Variants in R3HDM2 observed in about 807,000 individuals in gnomAD.
R3HDM2 encodes R3H domain containing 2, also known as R3H domain-containing protein 2.
In R3HDM2, 38 loss-of-function variants were observed where a neutral mutation model predicts 124.5. The observed-to-expected ratio is 0.31, with a 90% confidence interval of 0.24 to 0.40. The LOEUF (loss-of-function observed/expected upper bound fraction) is 0.40, where lower values mean the gene tolerates loss of function less well. Ranked by LOEUF, R3HDM2 falls within the 10% of genes least tolerant of loss-of-function variation. R3HDM2 has a pLI of 1.00. For missense variants in R3HDM2, 869 were observed against 1,236.9 expected, an observed-to-expected ratio of 0.70 and a Z score of 4.46; for synonymous variants, 391 against 448.0, an observed-to-expected ratio of 0.87 and a Z score of 1.61.
Position 57,298,115 on chromosome 12 carries a change from C to A in R3HDM2, c.475G>T (p.Val159Leu). Residue 159 changes from valine to leucine, a missense_variant, in exon 7 of 24, where the codon GTA becomes TTA. This residue lies in a region of R3HDM2 where 267 missense variants were observed against 447.7 expected (regional missense o/e 0.60). Coordinates refer to ENST00000402412, the MANE Select transcript of R3HDM2 (RefSeq NM_001394031.1). ...STGIDLHEFL[V>L]NTLKKNPRDR... ...CTTGGGTTCTTTTTCAGTGTATTTA[C>A]AAGAAATTCATGTAGGTCTATTCCA... 6 of 1,551,052 alleles carry A rather than the reference C, an allele frequency of 3.9e-6. No homozygotes were observed. Among genetic ancestry groups the A allele is most frequent in the Non-Finnish European group, 5.2e-6 (6 of 1,146,680 alleles).
In R3HDM2 at chr12:57,268,483, A is replaced by G. The variant is rs1592488349; in HGVS notation, c.1876-26T>C. 5.0e-6 allele frequency: 8 copies of G among 1,612,232 alleles called. No individual in the cohort carries two copies. In the East Asian group the frequency reaches 1.8e-4, roughly 36 times the overall value. ...CTGGGTGAGAAAGAGAAGAGAAAGAATCACATTCGCATTCACATTGAGCTC... is the reference window on the plus strand; with the variant it reads ...CTGGGTGAGAAAGAGAAGAGAAAGAGTCACATTCGCATTCACATTGAGCTC... On this transcript the variant is annotated intron_variant, in intron 17 of 23. Coordinates refer to ENST00000402412, the MANE Select transcript of R3HDM2 (RefSeq NM_001394031.1).
intron 1 of R3HDM2, among the ~76,000 whole-genome samples, chr12:57,425,010 C>T (rs1157332795): frequency 2.6e-5 from 4 of 152,188 alleles, no homozygotes; most frequent in African/African-American, 9.7e-5. Context: ...CGGTGGCTCA[C>T]GCCTATAATC....
intron 2 of R3HDM2, among the ~76,000 whole-genome samples, chr12:57,329,207 C>T (rs2057762125): frequency 2.0e-5 from 3 of 152,080 alleles, no homozygotes; most frequent in Admixed American, 6.6e-5. Flanking sequence ...GTACCTAACA[C>T]TATCTCTGCT....
chr12:57,350,525 T>C (rs1202915830), intron 2 of R3HDM2, among the ~76,000 whole-genome samples: 1 of 152,142 alleles, frequency 6.6e-6, no homozygotes, highest in Non-Finnish European at 1.5e-5. Flanking sequence ...TCCCAGCTAC[T>C]TGGGAGGCTG....
chr12:57,426,497 G>T (rs530822627), intron 1 of R3HDM2, among the ~76,000 whole-genome samples: 28 of 152,212 alleles, frequency 1.8e-4, no homozygotes, highest in Non-Finnish European at 3.1e-4. Flanking sequence ...CATAAAGACA[G>T]AACTATAAAT....
At position 57,400,595 on chromosome 12, in the gene R3HDM2, TA is replaced by T. The variant is rs566183507; in HGVS notation, c.-105-4778del. 4.9e-4 allele frequency among the ~76,000 whole-genome samples: 74 copies of T among 151,038 alleles called. 2 individuals are homozygous for T. In the South Asian group the frequency reaches 0.012, roughly 24 times the overall value. ...CTTAAAGTATAATAAAAATATATAT[TA>T]AAAAAAAACAATAAACACTGTCTAC... On this transcript the variant is annotated intron_variant, in intron 1 of 23. Coordinates refer to ENST00000402412, the MANE Select transcript of R3HDM2 (RefSeq NM_001394031.1).
intron 2 of R3HDM2, among the ~76,000 whole-genome samples, chr12:57,357,427 A>C (rs191548894): frequency 1.0e-3 from 153 of 151,420 alleles, no homozygotes; most frequent in Non-Finnish European, 1.8e-3. Flanking sequence ...GCGCCATTGC[A>C]CTCCAGCCTG....
intron 2 of R3HDM2, among the ~76,000 whole-genome samples, chr12:57,325,458 A>G (rs2057171859): frequency 6.6e-6 from 1 of 152,202 alleles, no homozygotes; most frequent in Non-Finnish European, 1.5e-5. Context: ...TCCAGCAGCC[A>G]TTTGGACCCT....
At chr12:57,289,068 A>G (rs2048042630) in intron 11 of R3HDM2, 28 bp from the exon 12 acceptor site, 1 of 1,529,146 alleles carries the variant, frequency 6.5e-7, no homozygotes. Context: ...AACGGAAAAT[A>G]ACTTATAAGA....
intron 2 of R3HDM2, among the ~76,000 whole-genome samples, chr12:57,314,271 G>A (rs1593140784): frequency 6.6e-6 from 1 of 152,084 alleles, no homozygotes; most frequent in Non-Finnish European, 1.5e-5. Context: ...CCTGAGGTCA[G>A]GAGTTAGAGA....
chr12:57,419,953 A>G (rs1244995532), intron 1 of R3HDM2, among the ~76,000 whole-genome samples: 2 of 152,078 alleles, frequency 1.3e-5, no homozygotes, highest in Non-Finnish European at 2.9e-5. Flanking sequence ...ACGCTAAGAC[A>G]TCAGCTCCCT....
At chr12:57,316,072 G>A (rs983590286) in intron 2 of R3HDM2, among the ~76,000 whole-genome samples, 4 of 152,228 alleles carry the variant, frequency 2.6e-5, no homozygotes, top group Admixed American at 6.5e-5. Flanking sequence ...ACTCCAGCCT[G>A]CGCAACAGAG....
At chr12:57,382,594 TGGGAGG>T (rs1408234072) in intron 2 of R3HDM2, among the ~76,000 whole-genome samples, 40 of 149,480 alleles carry the variant, frequency 2.7e-4, no homozygotes, top group Admixed American at 2.1e-3. Flanking sequence ...CCCAGCACTT[TGGGAGG>T]CCGAGGAGGG....
At chr12:57,385,845 C>A (rs887375419) in intron 2 of R3HDM2, among the ~76,000 whole-genome samples, 6 of 152,178 alleles carry the variant, frequency 3.9e-5, no homozygotes, top group African/African-American at 1.4e-4. Context: ...ATGGAAACTA[C>A]ATGGTCAAAA....
Position 57,298,113 on chromosome 12 carries a change from T to C in R3HDM2, c.477A>G (p.Val159=). The C allele has an allele frequency of 6.4e-7, 1 of 1,551,122 alleles. No individual in the cohort carries two copies. Among genetic ancestry groups the C allele is most frequent in the Non-Finnish European group, 8.7e-7 (1 of 1,146,622 alleles). The change falls in exon 7 of 24, where the codon GTA becomes GTG. Residue 159 remains valine, a synonymous_variant. Coordinates refer to ENST00000402412, the MANE Select transcript of R3HDM2 (RefSeq NM_001394031.1). ...ACCTTGGGTTCTTTTTCAGTGTATT[T>C]ACAAGAAATTCATGTAGGTCTATTC... The part of the protein sequence containing the change: ...STGIDLHEFL[V]NTLKKNPRDR...
intron 17 of R3HDM2, 91 bp from the exon 18 acceptor site, chr12:57,268,548 C>G (rs1315811477): frequency 3.0e-6 from 4 of 1,321,320 alleles, no homozygotes; most frequent in Non-Finnish European, 4.2e-6. Flanking sequence ...CAGGGCATTA[C>G]AACTTCCTTC....
intron 2 of R3HDM2, among the ~76,000 whole-genome samples, chr12:57,393,825 T>C (rs2138764923): frequency 1.3e-5 from 2 of 152,342 alleles, no homozygotes; most frequent in South Asian, 4.1e-4. Flanking sequence ...AAGTGTCTTA[T>C]CACACAAGAG....
chr12:57,266,918 C>T (rs1037502479), intron 18 of R3HDM2, 87 bp from the exon 19 acceptor site: 2 of 1,004,096 alleles, frequency 2.0e-6, no homozygotes, highest in Non-Finnish European at 2.9e-6. Context: ...CTGGTCCTCC[C>T]CTATGGGAAG....
At chr12:57,426,576 G>GT (rs1359310151) in intron 1 of R3HDM2, among the ~76,000 whole-genome samples, 1 of 152,168 alleles carries the variant, frequency 6.6e-6, no homozygotes, top group African/African-American at 2.4e-5. Flanking sequence ...GGTCAGAGAA[G>GT]TAACGAGTGA....
Sources: allele counts gnomAD v4.1 joint callset (sites outside exome capture counted in the v4.1 genomes callset), GRCh38; gene constraint gnomAD v4.1.1; regional missense constraint gnomAD v4.1.1; transcripts MANE v1.5; gene names NCBI Gene and HGNC (gene_info 2026-07-23, HGNC 2026-07-21).